The following CCSER1 variants were observed in gnomAD, a reference collection of about 807,000 sequenced individuals.
The protein encoded by CCSER1 is serine-rich coiled-coil domain-containing protein 1.
CCSER1 carries 41 observed loss-of-function variants against 82.0 expected under a neutral mutation model. The observed-to-expected ratio is 0.50, with a 90% CI of 0.39 to 0.65. The LOEUF is 0.65. CCSER1 is among the 30% of genes least tolerant of loss of function. The pLI is 0.00. For synonymous variants in CCSER1, 414 were observed against 383.9 expected, an observed-to-expected ratio of 1.08 and a Z score of -0.92; for missense variants, 1,119 against 1,064.2, an observed-to-expected ratio of 1.05 and a Z score of -0.72.
intron 5 of CCSER1, among the ~76,000 whole-genome samples, chr4:90,488,262 A>G (rs1767435157): frequency 6.6e-6 from 1 of 152,122 alleles, no homozygotes; most frequent in Non-Finnish European, 1.5e-5. Context: ...GCACACTGCA[A>G]GCTCCGCCTC....
intron 3 of CCSER1, among the ~76,000 whole-genome samples, chr4:90,380,759 T>C (rs1561132132): frequency 6.6e-6 from 1 of 152,204 alleles, no homozygotes; most frequent in Non-Finnish European, 1.5e-5. Context: ...TATTTCAATT[T>C]CTAGGTGAGA....
chr4:91,516,546 A>C (rs1019715606), intron 10 of CCSER1, among the ~76,000 whole-genome samples: 1 of 151,848 alleles, frequency 6.6e-6, no homozygotes, highest in Non-Finnish European at 1.5e-5. Flanking sequence ...AGGGTTTTTG[A>C]TTCTGTTCCA....
intron 10 of CCSER1, among the ~76,000 whole-genome samples, chr4:91,557,834 T>C (rs963069493): frequency 4.8e-4 from 73 of 151,386 alleles, no homozygotes; most frequent in Non-Finnish European, 1.6e-4. Context: ...TATTTTCCTA[T>C]AGGGAAGTAG....
At chr4:91,391,175 T>C (rs535451126) in intron 10 of CCSER1, among the ~76,000 whole-genome samples, 40 of 152,308 alleles carry the variant, frequency 2.6e-4, no homozygotes, top group African/African-American at 9.1e-4. Context: ...TTCTAATATA[T>C]GAGTTCTGTG....
chr4:91,161,046 T>G (rs758202025), intron 10 of CCSER1, among the ~76,000 whole-genome samples: 1 of 152,222 alleles, frequency 6.6e-6, no homozygotes, highest in Non-Finnish European at 1.5e-5. Flanking sequence ...GTTTAACATT[T>G]AACTCTTTAA....
chr4:90,189,065 CA>C (rs1162173042), intron 1 of CCSER1, among the ~76,000 whole-genome samples: 2 of 151,944 alleles, frequency 1.3e-5, no homozygotes, highest in Non-Finnish European at 2.9e-5. Flanking sequence ...CTGTGGCTGA[CA>C]GCAGGGTTGC....
At chr4:91,141,407 C>A (rs1176246918) in intron 10 of CCSER1, among the ~76,000 whole-genome samples, 4 of 152,170 alleles carry the variant, frequency 2.6e-5, no homozygotes, top group Non-Finnish European at 5.9e-5. Flanking sequence ...CCGCCTTGGC[C>A]TCCCAAAGTG....
chr4:90,426,556 A>G (rs1025349436), intron 4 of CCSER1, among the ~76,000 whole-genome samples: 5 of 152,156 alleles, frequency 3.3e-5, no homozygotes, highest in African/African-American at 1.2e-4. Flanking sequence ...TGTAGCTGAA[A>G]AACAATAGAA....
chr4:91,186,638 GC>G (rs1479756149), intron 10 of CCSER1, among the ~76,000 whole-genome samples: 1 of 152,020 alleles, frequency 6.6e-6, no homozygotes, highest in African/African-American at 2.4e-5. Context: ...AGAGCTGAGA[GC>G]CCCAAACAGA....
At chr4:90,566,261 T>C (rs1779366243) in intron 5 of CCSER1, among the ~76,000 whole-genome samples, 1 of 152,162 alleles carries the variant, frequency 6.6e-6, no homozygotes, top group Non-Finnish European at 1.5e-5. Context: ...GTTTTATTAA[T>C]AGTGTCTTTG....
intron 1 of CCSER1, among the ~76,000 whole-genome samples, chr4:90,166,579 T>C (rs1215899629): frequency 1.3e-5 from 2 of 152,006 alleles, no homozygotes; most frequent in African/African-American, 2.4e-5. Flanking sequence ...GCTAATGTCA[T>C]TCGTATAATA....
At chr4:91,043,126 C>G (rs1742115778) in intron 9 of CCSER1, among the ~76,000 whole-genome samples, 1 of 150,982 alleles carries the variant, frequency 6.6e-6, no homozygotes, top group Admixed American at 6.6e-5. Context: ...CCAAAACGAA[C>G]AAAGAGAAAA....
At chr4:90,215,323 A>T (rs1740815997) in intron 1 of CCSER1, among the ~76,000 whole-genome samples, 1 of 152,208 alleles carries the variant, frequency 6.6e-6, no homozygotes, top group South Asian at 2.1e-4. Flanking sequence ...AGTGTCTTTC[A>T]CTTGAGTGAG....
At chr4:90,431,269 A>C (rs1306632727) in intron 4 of CCSER1, among the ~76,000 whole-genome samples, 1 of 152,098 alleles carries the variant, frequency 6.6e-6, no homozygotes, top group Non-Finnish European at 1.5e-5. Flanking sequence ...TTGAAATCTC[A>C]GCTGTTAGTG....
At chr4:91,174,753 A>G (rs1211651425) in intron 10 of CCSER1, among the ~76,000 whole-genome samples, 1 of 151,792 alleles carries the variant, frequency 6.6e-6, no homozygotes, top group Non-Finnish European at 1.5e-5. Flanking sequence ...TTCTTCAAGT[A>G]TGTATTCATT....
chr4:90,778,776 A>G (rs1753316782), intron 7 of CCSER1, among the ~76,000 whole-genome samples: 1 of 115,582 alleles, frequency 8.7e-6, no homozygotes, highest in African/African-American at 4.2e-5. Context: ...TTGTTGGTTG[A>G]CTTAAAAAAA....
At chr4:90,641,137 TA>T (rs1726435087) in intron 6 of CCSER1, among the ~76,000 whole-genome samples, 1 of 152,144 alleles carries the variant, frequency 6.6e-6, no homozygotes, top group African/African-American at 2.4e-5. Context: ...TGAGGTATAA[TA>T]TATTAATCTA....
intron 1 of CCSER1, among the ~76,000 whole-genome samples, chr4:90,168,430 G>T (rs1013082112): frequency 2.6e-5 from 4 of 152,110 alleles, no homozygotes; most frequent in Non-Finnish European, 5.9e-5. Flanking sequence ...TAGGTTGCCT[G>T]TTCACTCTGA....
intron 10 of CCSER1, among the ~76,000 whole-genome samples, chr4:91,424,488 C>T (rs2149386828): frequency 6.6e-6 from 1 of 152,158 alleles, no homozygotes; most frequent in Non-Finnish European, 1.5e-5. Context: ...AAAATTATTC[C>T]ACTGTTTTAC....
Sources: gnomAD v4.1 joint callset for allele counts (sites outside exome capture counted in the v4.1 genomes callset) on GRCh38, gnomAD v4.1.1 for gene constraint, MANE v1.5 for transcripts, NCBI Gene and HGNC (gene_info 2026-07-23, HGNC 2026-07-21) for gene names.